The following METTL25 variants were observed in gnomAD, a reference collection of about 807,000 sequenced individuals.
The protein encoded by METTL25 is methyltransferase like 25.
In METTL25, 64 loss-of-function variants were observed where a neutral mutation model predicts 71.6. The observed-to-expected ratio is 0.89, with a 90% CI of 0.73 to 1.10. METTL25 has a LOEUF of 1.10. Among genes scored for constraint, METTL25 ranks in the 50% least tolerant of loss-of-function variants. The pLI is 0.00. For synonymous variants in METTL25, 287 were observed against 250.3 expected, an observed-to-expected ratio of 1.15 and a Z score of -1.38; for missense variants, 807 against 707.0, an observed-to-expected ratio of 1.14 and a Z score of -1.60.
chr12:82,388,624 T>A (rs1233436119), intron 2 of METTL25, among the ~76,000 whole-genome samples: 1 of 152,032 alleles, frequency 6.6e-6, no homozygotes, highest in Non-Finnish European at 1.5e-5. Flanking sequence ...TGAGTAAAGA[T>A]GTTATATCCT....
chr12:82,388,687 T>C (rs1425935552), intron 2 of METTL25: 1 of 152,136 alleles, frequency 6.6e-6, no homozygotes, highest in Non-Finnish European at 1.5e-5. Context: ...GACTCTGTTG[T>C]GTCCAGTACA....
chr12:82,426,553 C>T (rs553819872), intron 5 of METTL25, among the ~76,000 whole-genome samples: 90 of 151,962 alleles, frequency 5.9e-4, no homozygotes, highest in Admixed American at 5.9e-4. Flanking sequence ...AGGTTGAGTA[C>T]CCTCTGTCAG....
At chr12:82,395,502 G>A (rs1326504294) in intron 3 of METTL25, among the ~76,000 whole-genome samples, 1 of 152,064 alleles carries the variant, frequency 6.6e-6, no homozygotes, top group African/African-American at 2.4e-5. Context: ...TGTAGCTTAT[G>A]AGAGACAGAA....
At chr12:82,444,865 A>G (rs1565871032) in intron 8 of METTL25, among the ~76,000 whole-genome samples, 1 of 152,134 alleles carries the variant, frequency 6.6e-6, no homozygotes. Context: ...ATAGACCAAA[A>G]GTACAGAGAT....
chr12:82,382,796 G>C (rs533545098), intron 1 of METTL25, among the ~76,000 whole-genome samples: 2 of 151,966 alleles, frequency 1.3e-5, no homozygotes, highest in East Asian at 3.9e-4. Flanking sequence ...GTTCACTACA[G>C]CTTCGACTTT....
chr12:82,365,200 T>C (rs1475757239), intron 1 of METTL25, among the ~76,000 whole-genome samples: 1 of 152,216 alleles, frequency 6.6e-6, no homozygotes, highest in Non-Finnish European at 1.5e-5. Context: ...GAGTTATATT[T>C]ATGATCATTG....
chr12:82,360,734 C>T (rs1881743877), intron 1 of METTL25, among the ~76,000 whole-genome samples: 1 of 152,232 alleles, frequency 6.6e-6, no homozygotes, highest in Middle Eastern at 3.4e-3. Flanking sequence ...ACTAGGGACT[C>T]ACAAGGAGTA....
intron 1 of METTL25, among the ~76,000 whole-genome samples, chr12:82,377,216 A>G (rs1302427526): frequency 6.6e-6 from 1 of 152,168 alleles, no homozygotes; most frequent in Non-Finnish European, 1.5e-5. Context: ...AAAAAAATTT[A>G]GTCAAAAAAG....
At chr12:82,358,898 T>C in intron 1 of METTL25, 74 bp downstream of exon 1, 1 of 1,514,450 alleles carries the variant, frequency 6.6e-7, no homozygotes, top group Non-Finnish European at 8.9e-7. Context: ...AGCCCCCTGG[T>C]GGAAGCCAGC....
intron 1 of METTL25, among the ~76,000 whole-genome samples, chr12:82,378,216 T>A (rs1398061556): frequency 6.6e-6 from 1 of 152,220 alleles, no homozygotes; most frequent in Non-Finnish European, 1.5e-5. Flanking sequence ...CCCTTTTACA[T>A]AATGATTGCA....
chr12:82,462,047 A>G (rs1891914424), intron 9 of METTL25, among the ~76,000 whole-genome samples: 1 of 152,180 alleles, frequency 6.6e-6, no homozygotes, highest in Non-Finnish European at 1.5e-5. Flanking sequence ...TCCTTTTTCT[A>G]TAGACTAGGA....
At chr12:82,408,911 G>A (rs1284771275) in intron 5 of METTL25, among the ~76,000 whole-genome samples, 4 of 152,040 alleles carry the variant, frequency 2.6e-5, no homozygotes, top group African/African-American at 9.7e-5. Context: ...TATGTCATGT[G>A]TCCTTCTCTT....
rs552716354 is a variant in METTL25 at position 82,388,530 on chromosome 12, G to A, written c.425-1286G>A. On this transcript the variant is annotated intron_variant, in intron 2 of 11. Coordinates refer to ENST00000248306, the MANE Select transcript of METTL25 (RefSeq NM_032230.3). ...CAGGTGCTGCTGACTGGCAATAAATGAGTGTACCTCTGCATCAAGGGTATA... is the reference window on the plus strand; with the variant it reads ...CAGGTGCTGCTGACTGGCAATAAATAAGTGTACCTCTGCATCAAGGGTATA... 3.9e-5 allele frequency among the ~76,000 whole-genome samples: 6 copies of A among 152,144 alleles called. No homozygotes were observed. In the East Asian group the frequency reaches 1.2e-3, roughly 29 times the overall value.
At chr12:82,447,240 TTA>T (rs957533511) in intron 8 of METTL25, among the ~76,000 whole-genome samples, 1 of 151,958 alleles carries the variant, frequency 6.6e-6, no homozygotes, top group East Asian at 1.9e-4. Flanking sequence ...TTACACCTAA[TTA>T]TATATATATT....
At chr12:82,457,901 T>A (rs1891603251) in intron 9 of METTL25, among the ~76,000 whole-genome samples, 1 of 152,110 alleles carries the variant, frequency 6.6e-6, no homozygotes, top group Non-Finnish European at 1.5e-5. Flanking sequence ...TTAAAAAAAA[T>A]GTTTTTCATT....
In METTL25 at chr12:82,476,482, A is replaced by G. The variant is rs147601736; in HGVS notation, c.1573-162A>G. ...TCAGTGTAAAAATTTTAAGTAATTT[A>G]GAGTTATCTTGACTTGCTTCATGAA... On this transcript the variant is annotated intron_variant, in intron 9 of 11. Coordinates refer to ENST00000248306, the MANE Select transcript of METTL25 (RefSeq NM_032230.3). 522 of 574,662 alleles carry G rather than the reference A, an allele frequency of 9.1e-4. 2 individuals carry two copies. Among genetic ancestry groups the G allele is most frequent in the African/African-American group, 9.0e-3 (465 of 51,478 alleles). The allele number at this position is 574,662 out of a possible 1,614,324, so 35.6% of individuals were successfully genotyped here. A position where few individuals can be genotyped will look rare whatever the true frequency, so the allele number is the denominator to read the frequency against.
At position 82,393,308 on chromosome 12, in the gene METTL25, C is replaced by G. The variant is rs570030515; in HGVS notation, c.531+3386C>G. ...TTGTGTCCTCATCAATTTATTTCAT[C>G]AATGTTTTGTAATTTTCACTGTTGA... On this transcript the variant is annotated intron_variant, in intron 3 of 11. Transcript: ENST00000248306. Among the ~76,000 whole-genome samples the G allele has an allele frequency of 2.4e-4, 36 of 152,072 alleles. No homozygotes were observed. In the South Asian group the frequency reaches 7.1e-3, roughly 30 times the overall value.
At chr12:82,414,077 G>A (rs990155482) in intron 5 of METTL25, among the ~76,000 whole-genome samples, 7 of 151,760 alleles carry the variant, frequency 4.6e-5, no homozygotes, top group Non-Finnish European at 8.8e-5. Flanking sequence ...GATCTATCTC[G>A]GCTTGAATTA....
At chr12:82,370,355 T>C (rs754635915) in intron 1 of METTL25, among the ~76,000 whole-genome samples, 13 of 152,186 alleles carry the variant, frequency 8.5e-5, no homozygotes, top group Non-Finnish European at 1.8e-4. Context: ...GCAAGATGGC[T>C]GCCACGGGAC....
Sources: allele counts gnomAD v4.1 joint callset (sites outside exome capture counted in the v4.1 genomes callset), GRCh38; gene constraint gnomAD v4.1.1; transcripts MANE v1.5; gene names NCBI Gene and HGNC (gene_info 2026-07-23, HGNC 2026-07-21).